The following NCAM2 variants were observed in gnomAD, a reference collection of about 807,000 sequenced individuals.
The protein encoded by NCAM2 is N-CAM-2.
A neutral mutation model predicts 98.1 loss-of-function variants in NCAM2; 30 were observed. The ratio of observed to expected loss-of-function variants is 0.31; its 90% CI spans 0.23 to 0.41. The LOEUF (loss-of-function observed/expected upper bound fraction) is 0.41. Among genes scored for constraint, NCAM2 ranks in the 10% least tolerant of loss-of-function variants. The pLI is 1.00. For missense variants in NCAM2, 867 were observed against 1,005.8 expected (o/e 0.86, Z 1.87); for synonymous variants, 368 against 342.4 (o/e 1.07, Z -0.83).
At chr21:21,104,336 G>A (rs2066301915) in intron 1 of NCAM2, among the ~76,000 whole-genome samples, 1 of 152,052 alleles carries the variant, frequency 6.6e-6, no homozygotes, top group African/African-American at 2.4e-5. Context: ...AAAATACATA[G>A]GATGGAAAAA....
chr21:21,415,114 G>C (rs114788272), intron 10 of NCAM2, among the ~76,000 whole-genome samples: 1 of 151,878 alleles, frequency 6.6e-6, no homozygotes, highest in Non-Finnish European at 1.5e-5. Context: ...TTTTCATAAC[G>C]ATAAATGAAT....
intron 1 of NCAM2, among the ~76,000 whole-genome samples, chr21:21,248,981 C>G (rs1309045948): frequency 4.6e-5 from 7 of 151,840 alleles, no homozygotes; most frequent in Non-Finnish European, 1.0e-4. Context: ...GTTTGACTGC[C>G]TGGGTTATAA....
intron 1 of NCAM2, among the ~76,000 whole-genome samples, chr21:21,082,546 G>GATT (rs982187750): frequency 6.6e-6 from 1 of 152,090 alleles, no homozygotes; most frequent in Non-Finnish European, 1.5e-5. Context: ...AAGTTACACT[G>GATT]ATTATTACTA....
intron 5 of NCAM2, among the ~76,000 whole-genome samples, chr21:21,305,838 TACTGATTTGAAATCTTTCTTGTCTTCTA>T (rs1431363810): frequency 2.0e-5 from 3 of 152,286 alleles, no homozygotes; most frequent in South Asian, 4.1e-4. Flanking sequence ...AACCTGATAA[TACTGATTTGAAATCTTTCTTGTCTTCTA>T]ATGCATGTAT....
At chr21:21,265,491 T>C (rs985159792) in intron 1 of NCAM2, among the ~76,000 whole-genome samples, 7 of 140,984 alleles carry the variant, frequency 5.0e-5, no homozygotes, top group Non-Finnish European at 6.1e-5. Flanking sequence ...TATATACACA[T>C]ATATAATATA....
chr21:21,458,718 A>G (rs1982523278), intron 12 of NCAM2, among the ~76,000 whole-genome samples: 1 of 152,156 alleles, frequency 6.6e-6, no homozygotes, highest in Non-Finnish European at 1.5e-5. Context: ...GTTTATGGTA[A>G]TCTCTTTTAG....
intron 6 of NCAM2, among the ~76,000 whole-genome samples, chr21:21,325,750 TTC>T (rs897228527): frequency 3.3e-5 from 5 of 152,166 alleles, no homozygotes; most frequent in Non-Finnish European, 7.4e-5. Flanking sequence ...CCACAGAGAT[TTC>T]TTTTTTCTTA....
At chr21:20,999,279 T>C (rs1455730317) in intron 1 of NCAM2, among the ~76,000 whole-genome samples, 2 of 152,076 alleles carry the variant, frequency 1.3e-5, no homozygotes, top group Non-Finnish European at 2.9e-5. Flanking sequence ...AATCATTTTA[T>C]AACATTACAT....
chr21:21,104,133 A>C (rs2066297163), intron 1 of NCAM2, among the ~76,000 whole-genome samples: 1 of 152,154 alleles, frequency 6.6e-6, no homozygotes, highest in African/African-American at 2.4e-5. Context: ...AGTGAAAAAT[A>C]CATATGTTAT....
chr21:21,105,823 G>C (rs1419987187), intron 1 of NCAM2, among the ~76,000 whole-genome samples: 1 of 151,998 alleles, frequency 6.6e-6, no homozygotes, highest in Non-Finnish European at 1.5e-5. Flanking sequence ...TTTTCCCAAG[G>C]AAATGTTTGC....
intron 12 of NCAM2, among the ~76,000 whole-genome samples, chr21:21,457,443 C>G (rs1880591183): frequency 6.6e-6 from 1 of 152,092 alleles, no homozygotes; most frequent in Non-Finnish European, 1.5e-5. Flanking sequence ...AGTTCGAGAC[C>G]AGCCTGGCCA....
Position 21,191,023 on chromosome 21 carries a change from T to A in NCAM2, c.56-89555T>A, listed in dbSNP as rs1325153830. On this transcript the variant is annotated intron_variant, in intron 1 of 17. Transcript: ENST00000400546. ...TTTATTAGATACTGTCAAACTACCA[T>A]CTAAAAGCTTTTTACAAATAATTCT... 2.0e-5 allele frequency among the ~76,000 whole-genome samples: 3 copies of A among 152,152 alleles called. No individual in the cohort carries two copies. The East Asian group carries it at 5.8e-4, about 29-fold the overall frequency.
At chr21:21,163,640 A>AT (rs2067860275) in intron 1 of NCAM2, among the ~76,000 whole-genome samples, 2 of 152,112 alleles carry the variant, frequency 1.3e-5, no homozygotes, top group Non-Finnish European at 2.9e-5. Context: ...ACATGACATG[A>AT]TAATAATAGT....
Position 21,537,890 on chromosome 21 carries a change from C to A in NCAM2, c.2447C>A (p.Pro816Gln). The change falls in exon 18 of 18, where the codon CCA (proline) becomes CAA (glutamine). Residue 816 changes from proline to glutamine, a missense_variant. Around this residue, in one of 5 missense-constraint regions of NCAM2, gnomAD observed 125 missense variants for 116.1 expected, o/e 1.08. Transcript: ENST00000400546. ...KEEDGKEALN[P>Q]ETIEIKVSND... ...GAAGATGGGAAAGAAGCTCTAAATC[C>A]AGAAACTATAGAAATTAAAGTTTCT... is the stretch of plus-strand genomic sequence containing the variant. The A allele has an allele frequency of 5.1e-6, 8 of 1,579,982 alleles. No individual in the cohort carries two copies. The highest frequency in any genetic ancestry group is 6.9e-6 in the Non-Finnish European group (8 of 1,164,024).
At chr21:21,336,601 G>A (rs890882961) in intron 7 of NCAM2, among the ~76,000 whole-genome samples, 7 of 152,084 alleles carry the variant, frequency 4.6e-5, no homozygotes, top group Admixed American at 3.9e-4. Flanking sequence ...GTTGACAGGT[G>A]CAGAGTGCCC....
chr21:21,292,643 A>G (rs2073339426), intron 5 of NCAM2, among the ~76,000 whole-genome samples: 1 of 151,966 alleles, frequency 6.6e-6, no homozygotes, highest in African/African-American at 2.4e-5. Context: ...TTTTAAGGTT[A>G]TATTTACAAG....
intron 1 of NCAM2, among the ~76,000 whole-genome samples, chr21:21,260,129 T>C (rs1430993865): frequency 6.6e-6 from 1 of 151,574 alleles, no homozygotes; most frequent in African/African-American, 2.4e-5. Flanking sequence ...TTTTACAAAT[T>C]AACCCAGTCA....
intron 9 of NCAM2, among the ~76,000 whole-genome samples, chr21:21,408,017 T>G (rs1270241998): frequency 6.6e-6 from 1 of 152,170 alleles, no homozygotes; most frequent in African/African-American, 2.4e-5. Context: ...GTCAATTCAA[T>G]GTACAGTTTA....
intron 1 of NCAM2, among the ~76,000 whole-genome samples, chr21:21,194,361 G>C (rs1262381594): frequency 1.3e-5 from 2 of 152,100 alleles, no homozygotes; most frequent in East Asian, 1.9e-4. Context: ...TTTATAAAGA[G>C]AGTTGCTGAG....
Sources: allele counts gnomAD v4.1 joint callset (sites outside exome capture counted in the v4.1 genomes callset), GRCh38; gene constraint gnomAD v4.1.1; regional missense constraint gnomAD v4.1.1; transcripts MANE v1.5; gene names NCBI Gene and HGNC (gene_info 2026-07-23, HGNC 2026-07-21).